The following STMND1 variants were observed in gnomAD, a reference collection of about 807,000 sequenced individuals.
STMND1 encodes the protein stathmin domain-containing protein 1.
A neutral mutation model predicts 23.0 loss-of-function variants in STMND1; 17 were observed. The ratio of observed to expected loss-of-function variants is 0.74; its 90% confidence interval spans 0.51 to 1.11. The LOEUF is 1.11. Ranked by LOEUF, STMND1 falls within the 50% of genes least tolerant of loss-of-function variation. The pLI, the probability that STMND1 is intolerant of heterozygous loss-of-function variation, is 0.00. For missense variants in STMND1, 305 were observed against 329.1 expected (o/e 0.93, Z 0.57); for synonymous variants, 114 against 119.9 (o/e 0.95, Z 0.32).
At chr6:17,117,447 C>T (rs1276419979) in intron 2 of STMND1, among the ~76,000 whole-genome samples, 3 of 152,072 alleles carry the variant, frequency 2.0e-5, no homozygotes, top group Admixed American at 6.6e-5. Flanking sequence ...CACAACTGCT[C>T]TTTATAAATG....
chr6:17,102,269 A>T lies in STMND1; in HGVS notation c.12A>T (p.Gly4=). 1 of 1,535,906 alleles carries T rather than the reference A, an allele frequency of 6.5e-7. No individual in the cohort carries two copies. Among genetic ancestry groups the T allele is most frequent in the Non-Finnish European group, 8.7e-7 (1 of 1,146,798 alleles). ...CGCGCGCGCGCAGCATGGGCTGTGG[A>T]CCTTCCCAACCTGCTGAAGACCGGA... The part of the protein sequence containing the change: MGC[G]PSQPAEDRRR... Residue 4 remains glycine, a synonymous_variant, in exon 1 of 5, where the codon GGA becomes GGT. Transcript: ENST00000536551.
intron 1 of STMND1, among the ~76,000 whole-genome samples, chr6:17,109,291 A>T (rs1033813725): frequency 6.6e-6 from 1 of 152,224 alleles, no homozygotes; most frequent in African/African-American, 2.4e-5. Flanking sequence ...CCTCAACACA[A>T]TGAACTGATA....
At chr6:17,126,906 T>G (rs1761314929) in intron 3 of STMND1, among the ~76,000 whole-genome samples, 1 of 152,172 alleles carries the variant, frequency 6.6e-6, no homozygotes, top group Non-Finnish European at 1.5e-5. Context: ...TGCTTCACAG[T>G]TGAGAAAATT....
intron 3 of STMND1, among the ~76,000 whole-genome samples, chr6:17,125,624 G>T (rs141279017): frequency 6.6e-6 from 1 of 152,242 alleles, no homozygotes; most frequent in African/African-American, 2.4e-5. Context: ...TTTTAAGGAG[G>T]AGGAAGTTGA....
intron 3 of STMND1, among the ~76,000 whole-genome samples, chr6:17,121,447 G>T (rs1241748374): frequency 6.6e-6 from 1 of 152,134 alleles, no homozygotes; most frequent in Non-Finnish European, 1.5e-5. Context: ...AATAGGCATT[G>T]TACAGGGCAT....
At chr6:17,128,532 A>C (rs1381607201) in intron 3 of STMND1, 1 of 152,188 alleles carries the variant, frequency 6.6e-6, no homozygotes, top group Non-Finnish European at 1.5e-5. Context: ...TTTTCCTTCT[A>C]AGGGTTCATC....
At chr6:17,104,259 T>C (rs998367876) in intron 1 of STMND1, among the ~76,000 whole-genome samples, 1 of 152,220 alleles carries the variant, frequency 6.6e-6, no homozygotes. Context: ...CAAAAATACA[T>C]TAATGTCACT....
At chr6:17,110,471 C>T in intron 1 of STMND1, 1 of 172,702 alleles carries the variant, frequency 5.8e-6, no homozygotes, top group Admixed American at 5.8e-5. Context: ...AAAGTCAAAT[C>T]AATAGACATT....
intron 1 of STMND1, among the ~76,000 whole-genome samples, chr6:17,104,516 C>G (rs2113470142): frequency 6.6e-6 from 1 of 152,150 alleles, no homozygotes; most frequent in East Asian, 1.9e-4. Context: ...CTGGGCCAAG[C>G]CATTCCAAGG....
At chr6:17,121,185 G>A (rs905577296) in intron 3 of STMND1, among the ~76,000 whole-genome samples, 3 of 152,168 alleles carry the variant, frequency 2.0e-5, no homozygotes, top group Non-Finnish European at 4.4e-5. Context: ...GGCCTTCCCA[G>A]CCATGTAGAA....
intron 1 of STMND1, among the ~76,000 whole-genome samples, chr6:17,102,940 T>G (rs1760963774): frequency 1.3e-5 from 2 of 152,188 alleles, no homozygotes; most frequent in African/African-American, 2.4e-5. Flanking sequence ...AAGAGTTTCG[T>G]TCCAATACTC....
intron 3 of STMND1, among the ~76,000 whole-genome samples, chr6:17,127,052 C>T (rs1485779836): frequency 6.6e-6 from 1 of 152,228 alleles, no homozygotes; most frequent in Admixed American, 6.5e-5. Context: ...TGCTTTCGCC[C>T]CTTTCCGCTT....
intron 2 of STMND1, among the ~76,000 whole-genome samples, chr6:17,117,634 T>C (rs1054755496): frequency 6.6e-6 from 1 of 151,982 alleles, no homozygotes; most frequent in African/African-American, 2.4e-5. Context: ...TTGGGTTTGT[T>C]TGAGCTTTCC....
chr6:17,129,281 G>C, intron 4 of STMND1, 38 bp downstream of exon 4: 1 of 1,526,362 alleles, frequency 6.6e-7, no homozygotes, highest in African/African-American at 1.4e-5. Flanking sequence ...TGAGGAGTTC[G>C]CTGTCTGTTA....
chr6:17,130,204 G>A (rs1761368463), intron 4 of STMND1, among the ~76,000 whole-genome samples: 1 of 152,124 alleles, frequency 6.6e-6, no homozygotes, highest in South Asian at 2.1e-4. Context: ...AGTTGAGGCT[G>A]GGGGCAGGAG....
intron 2 of STMND1, among the ~76,000 whole-genome samples, chr6:17,118,164 T>C (rs1307195121): frequency 6.6e-6 from 1 of 152,162 alleles, no homozygotes; most frequent in Non-Finnish European, 1.5e-5. Context: ...TAGAAAGTCT[T>C]TCCCTACACC....
rs1439070119 is a variant in STMND1, at chr6:17,130,471, A to T, written c.544-123A>T. 7 of 803,920 alleles carry T rather than the reference A, an allele frequency of 8.7e-6. No individual in the cohort carries two copies. The East Asian group carries it at 1.6e-4, about 19-fold the overall frequency. 49.8% of individuals were successfully genotyped at this position (803,920 alleles called of 1,614,324 possible). A position where few individuals can be genotyped will look rare whatever the true frequency, so the allele number is the denominator to read the frequency against. ...CTTCTTCAACAAGAGTTTCTCAACAAATGTCTGTTATTTGACTGAATGATG... is the reference window on the plus strand; with the variant it reads ...CTTCTTCAACAAGAGTTTCTCAACATATGTCTGTTATTTGACTGAATGATG... On this transcript the variant is annotated intron_variant, in intron 4 of 4. Coordinates refer to ENST00000536551, the MANE Select transcript of STMND1 (RefSeq NM_001190766.2).
At chr6:17,124,567 T>A (rs1761272069) in intron 3 of STMND1, among the ~76,000 whole-genome samples, 1 of 152,242 alleles carries the variant, frequency 6.6e-6, no homozygotes, top group Non-Finnish European at 1.5e-5. Flanking sequence ...AGGATCTGTG[T>A]CCACCACAGA....
At chr6:17,104,320 CT>C (rs1405875334) in intron 1 of STMND1, among the ~76,000 whole-genome samples, 1 of 152,094 alleles carries the variant, frequency 6.6e-6, no homozygotes, top group Non-Finnish European at 1.5e-5. Flanking sequence ...AAAAATCTTT[CT>C]TTTATTTTTT....
Sources: allele counts gnomAD v4.1 joint callset (sites outside exome capture counted in the v4.1 genomes callset), GRCh38; gene constraint gnomAD v4.1.1; transcripts MANE v1.5; gene names NCBI Gene and HGNC (gene_info 2026-07-23, HGNC 2026-07-21).